The following ATF3 variants were observed in gnomAD, a reference collection of about 807,000 sequenced individuals.
The protein encoded by ATF3 is cyclic AMP-dependent transcription factor ATF-3.
Under a neutral mutation model 18.4 loss-of-function variants are expected in ATF3, and 10 were observed. The ratio of observed to expected loss-of-function variants is 0.54; its 90% CI spans 0.34 to 0.92. ATF3 has a LOEUF of 0.92. Ranked by LOEUF, ATF3 falls within the 40% of genes least tolerant of loss-of-function variation. The probability of loss-of-function intolerance (pLI) is 0.02; values close to 1 mark genes in which losing one functional copy is unlikely to be tolerated. For synonymous variants in ATF3, 78 were observed against 87.9 expected (o/e 0.89, Z 0.63); for missense variants, 183 against 222.3 (o/e 0.82, Z 1.12).
chr1:212,569,245 C>T (rs893111489), intron 1 of ATF3, among the ~76,000 whole-genome samples: 20 of 152,050 alleles, frequency 1.3e-4, no homozygotes, highest in African/African-American at 4.3e-4. Context: ...TTTTGGTAAA[C>T]GTCTTTCTAA....
At chr1:212,608,507 T>C (rs1043274027), upstream of ATF3, 1 of 152,608 alleles carries the variant, frequency 6.6e-6, no homozygotes, top group African/African-American at 2.4e-5. Flanking sequence ...CTGGTGTGTG[T>C]CTCAGTGAGC....
chr1:212,612,541 C>T (rs957932357), intron 1 of ATF3, among the ~76,000 whole-genome samples: 1 of 152,192 alleles, frequency 6.6e-6, no homozygotes, highest in Non-Finnish European at 1.5e-5. Flanking sequence ...GAATCTTAAG[C>T]CTCTGGCTTT....
chr1:212,617,716 G>A (rs1040765492), intron 2 of ATF3, among the ~76,000 whole-genome samples: 3 of 152,172 alleles, frequency 2.0e-5, no homozygotes, highest in African/African-American at 7.2e-5. Flanking sequence ...GGGTGGCTAG[G>A]TAATGATCCT....
rs148549974 is a variant in ATF3 at position 212,568,816 on chromosome 1, T to C, written c.-5+3333T>C. On this transcript the variant is annotated intron_variant, in intron 1 of 3. Coordinates refer to the ATF3 transcript ENST00000366981. Reference sequence around the variant, plus strand: ...TCTCAAAATTGCCTGTCCAACACAGTCATAATTTCACCTCCCCAACTCCGT... The same window carrying C: ...TCTCAAAATTGCCTGTCCAACACAGCCATAATTTCACCTCCCCAACTCCGT... 4.9e-3 allele frequency among the ~76,000 whole-genome samples: 742 copies of C among 152,292 alleles called. 6 individuals are homozygous for C. Among genetic ancestry groups the C allele is most frequent in the African/African-American group, 0.017 (712 of 41,546 alleles).
intron 1 of ATF3, among the ~76,000 whole-genome samples, chr1:212,571,279 C>T (rs1353899307): frequency 1.3e-5 from 2 of 152,092 alleles, no homozygotes; most frequent in Non-Finnish European, 2.9e-5. Context: ...ATGTATTTTA[C>T]ATCTAACTAT....
At chr1:212,587,015 C>G (rs532895059) in intron 1 of ATF3, among the ~76,000 whole-genome samples, 7 of 152,298 alleles carry the variant, frequency 4.6e-5, no homozygotes, top group African/African-American at 1.7e-4. Context: ...GACTTTCTGT[C>G]TCTGACGAAT....
At chr1:212,586,486 G>A (rs777049739) in intron 1 of ATF3, among the ~76,000 whole-genome samples, 1 of 152,226 alleles carries the variant, frequency 6.6e-6, no homozygotes, top group Non-Finnish European at 1.5e-5. Context: ...TGCCTGGCAT[G>A]CAGTGAGCAC....
intron 1 of ATF3, among the ~76,000 whole-genome samples, chr1:212,583,471 T>C (rs1053216789): frequency 6.6e-6 from 1 of 152,180 alleles, no homozygotes; most frequent in Non-Finnish European, 1.5e-5. Context: ...TTGGGCAGGA[T>C]TACAGGAACC....
chr1:212,609,126 C>G (rs1654764872), intron 1 of ATF3, among the ~76,000 whole-genome samples, 196 bp downstream of exon 1: 1 of 152,242 alleles, frequency 6.6e-6, no homozygotes, highest in South Asian at 2.1e-4. Flanking sequence ...AAGTTTCCCG[C>G]AAAGCGAAAG....
chr1:212,581,623 TAGAC>T (rs1664686773), intron 1 of ATF3, among the ~76,000 whole-genome samples: 1 of 152,116 alleles, frequency 6.6e-6, no homozygotes, highest in Non-Finnish European at 1.5e-5. Context: ...TGAAGAGAAA[TAGAC>T]AGCATAAACA....
At chr1:212,594,275 T>C (rs1201175485) in intron 1 of ATF3, among the ~76,000 whole-genome samples, 1 of 152,242 alleles carries the variant, frequency 6.6e-6, no homozygotes, top group Non-Finnish European at 1.5e-5. Flanking sequence ...ATGAATTTAA[T>C]GGAAGACTGG....
chr1:212,589,596 C>T (rs142421449), intron 1 of ATF3, among the ~76,000 whole-genome samples: 4 of 151,742 alleles, frequency 2.6e-5, no homozygotes, highest in Admixed American at 6.6e-5. Context: ...GCAGGAGAAT[C>T]GCTTGACCCC....
At chr1:212,597,726 C>G (rs969011115) in intron 1 of ATF3, among the ~76,000 whole-genome samples, 1 of 152,058 alleles carries the variant, frequency 6.6e-6, no homozygotes, top group African/African-American at 2.4e-5. Context: ...AACCTTGGCC[C>G]GAGTGTTGTT....
intron 1 of ATF3, among the ~76,000 whole-genome samples, chr1:212,594,912 T>G (rs138702913): frequency 6.6e-6 from 1 of 152,312 alleles, no homozygotes; most frequent in African/African-American, 2.4e-5. Context: ...GGACTTAGCA[T>G]GTATTGAACT....
intron 1 of ATF3, among the ~76,000 whole-genome samples, chr1:212,590,340 G>T (rs1208598837): frequency 1.3e-5 from 2 of 151,300 alleles, no homozygotes; most frequent in African/African-American, 4.9e-5. Context: ...CTGAGGCCCT[G>T]ATTTAAATCT....
At chr1:212,574,376 A>T (rs1275317823) in intron 1 of ATF3, among the ~76,000 whole-genome samples, 1 of 151,978 alleles carries the variant, frequency 6.6e-6, no homozygotes, top group East Asian at 1.9e-4. Flanking sequence ...AGCTAGTTAT[A>T]CTGCACTGTG....
At chr1:212,602,713 C>T (rs988514993) in intron 1 of ATF3, among the ~76,000 whole-genome samples, 1 of 152,100 alleles carries the variant, frequency 6.6e-6, no homozygotes, top group Non-Finnish European at 1.5e-5. Flanking sequence ...ATTAACTGTA[C>T]GTAAAGGGCT....
intron 1 of ATF3, among the ~76,000 whole-genome samples, chr1:212,589,027 T>C (rs542146931): frequency 6.6e-6 from 1 of 152,376 alleles, no homozygotes; most frequent in South Asian, 2.1e-4. Flanking sequence ...CCATCTAAAA[T>C]ATAGCATCGC....
chr1:212,591,219 T>C (rs1664878187), intron 1 of ATF3, among the ~76,000 whole-genome samples: 1 of 152,308 alleles, frequency 6.6e-6, no homozygotes. Flanking sequence ...CCCATCTTCC[T>C]AACGGAGCCT....
Sources: gnomAD v4.1 joint callset for allele counts (sites outside exome capture counted in the v4.1 genomes callset) on GRCh38, gnomAD v4.1.1 for gene constraint, MANE v1.5 for transcripts, NCBI Gene and HGNC (gene_info 2026-07-23, HGNC 2026-07-21) for gene names.